The following KDM4C variants were observed in gnomAD, a reference collection of about 807,000 sequenced individuals.
KDM4C encodes the protein lysine-specific demethylase 4C.
Under a neutral mutation model 129.3 loss-of-function variants are expected in KDM4C, and 81 were observed. The observed-to-expected ratio is 0.63, with a 90% CI of 0.52 to 0.75. The LOEUF (loss-of-function observed/expected upper bound fraction) is 0.75, where lower values mean the gene tolerates loss of function less well. Among genes scored for constraint, KDM4C ranks in the 30% least tolerant of loss-of-function variants. The probability of loss-of-function intolerance (pLI) is 0.00; values close to 1 mark genes in which losing one functional copy is unlikely to be tolerated. For synonymous variants in KDM4C, 573 were observed against 456.1 expected (o/e 1.26, Z -3.26); for missense variants, 1,457 against 1,304.0 (o/e 1.12, Z -1.81).
exon 1 of KDM4C, chr9:6,720,931 G>C: frequency 1.3e-6 from 2 of 1,551,132 alleles, no homozygotes; most frequent in Non-Finnish European, 1.7e-6. Flanking sequence ...TCATGTGGAA[G>C]AGGCTAAAGG....
At chr9:6,732,815 C>G (rs1239060521) in intron 1 of KDM4C, among the ~76,000 whole-genome samples, 1 of 152,148 alleles carries the variant, frequency 6.6e-6, no homozygotes, top group African/African-American at 2.4e-5. Flanking sequence ...GAGTTCGAGA[C>G]CAGCCTGGCC....
At chr9:7,048,160 G>A (rs1396292490) in intron 16 of KDM4C, among the ~76,000 whole-genome samples, 1 of 152,008 alleles carries the variant, frequency 6.6e-6, no homozygotes, top group East Asian at 1.9e-4. Context: ...TGGTTTAGGT[G>A]GTTCCTGTAA....
At chr9:6,778,683 C>A (rs574886632) in intron 1 of KDM4C, among the ~76,000 whole-genome samples, 1 of 151,900 alleles carries the variant, frequency 6.6e-6, no homozygotes, top group Middle Eastern at 3.2e-3. Context: ...AGGAGAATCT[C>A]TTGAACCCAG....
At position 7,162,558 on chromosome 9, in the gene KDM4C, T is replaced by C. The variant is rs533380218; in HGVS notation, c.2782-2680T>C. 2.0e-5 allele frequency among the ~76,000 whole-genome samples: 3 copies of C among 152,326 alleles called. No homozygotes were observed. In the South Asian group the frequency reaches 6.2e-4, roughly 32 times the overall value. On this transcript the variant is annotated intron_variant, in intron 19 of 21. Transcript: ENST00000381309. Reference sequence around the variant, plus strand: ...TATTCAGTTTGTTAATAAAACTATGTTTTTAGGATTAAACTGCTCGAATGC... The same window carrying C: ...TATTCAGTTTGTTAATAAAACTATGCTTTTAGGATTAAACTGCTCGAATGC...
At chr9:6,795,779 C>T (rs1378683041) in intron 2 of KDM4C, among the ~76,000 whole-genome samples, 3 of 151,834 alleles carry the variant, frequency 2.0e-5, no homozygotes, top group Non-Finnish European at 4.4e-5. Flanking sequence ...TCAAGCGATC[C>T]CCCTCCCTCA....
intron 8 of KDM4C, among the ~76,000 whole-genome samples, chr9:6,931,784 A>G (rs1489906567): frequency 1.3e-5 from 2 of 152,214 alleles, no homozygotes; most frequent in Non-Finnish European, 2.9e-5. Flanking sequence ...TACAGGCATG[A>G]GCCACCATCC....
Position 6,738,767 on chromosome 9 carries a change from CA to C in KDM4C, c.49+17771del, listed in dbSNP as rs200656361. Among the ~76,000 whole-genome samples, 1,431 of 149,422 alleles carry C rather than the reference CA, an allele frequency of 9.6e-3. 22 individuals are homozygous for C. The highest frequency in any genetic ancestry group is 0.033 in the African/African-American group (1,362 of 41,092). On this transcript the variant is annotated intron_variant, in intron 1 of 17. Coordinates refer to the KDM4C transcript ENST00000536108. Reference sequence around the variant, plus strand: ...ACTAATTTTTCTTTTCTTTTCTTTTCATTTTTTTTTTTTGAGAGACAGGGTT... The same window carrying C: ...ACTAATTTTTCTTTTCTTTTCTTTTCTTTTTTTTTTTTGAGAGACAGGGTT...
chr9:6,913,303 C>G (rs1451740863), intron 8 of KDM4C, among the ~76,000 whole-genome samples: 1 of 152,090 alleles, frequency 6.6e-6, no homozygotes, highest in Admixed American at 6.5e-5. Flanking sequence ...AATTTAAATG[C>G]AAGCAAGTTG....
At chr9:7,052,903 G>A (rs1249500295) in intron 17 of KDM4C, among the ~76,000 whole-genome samples, 4 of 149,112 alleles carry the variant, frequency 2.7e-5, no homozygotes, top group African/African-American at 1.0e-4. Context: ...GAGAGAGAGC[G>A]AGCGAGTGCC....
At chr9:6,886,459 C>T (rs1321397752) in intron 6 of KDM4C, among the ~76,000 whole-genome samples, 1 of 150,732 alleles carries the variant, frequency 6.6e-6, no homozygotes, top group Non-Finnish European at 1.5e-5. Context: ...ACTACAGGCA[C>T]GCACCACCAT....
chr9:7,003,765 A>C (rs577229847), intron 12 of KDM4C, among the ~76,000 whole-genome samples: 1 of 152,292 alleles, frequency 6.6e-6, no homozygotes, highest in East Asian at 1.9e-4. Context: ...ACTTTTGAAC[A>C]CAGCTTTATA....
intron 18 of KDM4C, among the ~76,000 whole-genome samples, chr9:7,122,265 A>ACACACACACTCT (rs375655422): frequency 1.8e-4 from 26 of 144,822 alleles, no homozygotes; most frequent in East Asian, 8.3e-4. Flanking sequence ...ACACACACAC[A>ACACACACACTCT]CTCTCTCTCT....
chr9:7,088,628 T>A (rs1438854168), intron 17 of KDM4C, among the ~76,000 whole-genome samples: 1 of 152,254 alleles, frequency 6.6e-6, no homozygotes, highest in Admixed American at 6.5e-5. Flanking sequence ...TTTGTCTTAA[T>A]GGATTACATT....
chr9:6,921,124 T>A (rs1821424519), intron 8 of KDM4C, among the ~76,000 whole-genome samples: 1 of 152,194 alleles, frequency 6.6e-6, no homozygotes, highest in Admixed American at 6.5e-5. Context: ...TTTTCTTTGA[T>A]ACCTTCGAGA....
At chr9:6,975,751 A>G (rs1158492834) in intron 8 of KDM4C, among the ~76,000 whole-genome samples, 1 of 152,224 alleles carries the variant, frequency 6.6e-6, no homozygotes, top group East Asian at 1.9e-4. Flanking sequence ...AATTAGAATA[A>G]GAAATTCAGG....
chr9:6,948,302 T>TA (rs1224752971), intron 8 of KDM4C: 1 of 152,226 alleles, frequency 6.6e-6, no homozygotes, highest in African/African-American at 2.4e-5. Flanking sequence ...TGGCATTTGT[T>TA]AGTTTCAAAT....
intron 18 of KDM4C, among the ~76,000 whole-genome samples, chr9:7,112,106 T>C (rs1223634749): frequency 6.6e-6 from 1 of 152,056 alleles, no homozygotes; most frequent in African/African-American, 2.4e-5. Context: ...GAGGCTATTA[T>C]TTATCTTGTT....
chr9:7,121,240 GC>G (rs1251763601), intron 18 of KDM4C, among the ~76,000 whole-genome samples: 2 of 152,192 alleles, frequency 1.3e-5, no homozygotes, highest in Non-Finnish European at 2.9e-5. Flanking sequence ...GCTGCCTCAT[GC>G]ATCTGTGGTC....
intron 5 of KDM4C, among the ~76,000 whole-genome samples, chr9:6,853,263 G>A (rs1007740238): frequency 3.3e-5 from 5 of 152,028 alleles, no homozygotes; most frequent in Non-Finnish European, 7.4e-5. Context: ...CAAGGTAGGC[G>A]GATCACTTGA....
Sources: gnomAD v4.1 joint callset for allele counts (sites outside exome capture counted in the v4.1 genomes callset) on GRCh38, gnomAD v4.1.1 for gene constraint, MANE v1.5 for transcripts, NCBI Gene and HGNC (gene_info 2026-07-23, HGNC 2026-07-21) for gene names.